Variants in PLAC8L1 observed in about 807,000 individuals in gnomAD.
PLAC8L1 encodes PLAC8-like protein 1.
A neutral mutation model predicts 16.3 loss-of-function variants in PLAC8L1; 13 were observed. That is an observed-to-expected ratio of 0.80 (90% CI 0.52 to 1.27). The LOEUF is 1.27. PLAC8L1 is among the 50% of genes most tolerant of loss of function. The probability of loss-of-function intolerance (pLI) is 0.00; values close to 1 mark genes in which losing one functional copy is unlikely to be tolerated. For missense variants in PLAC8L1, 184 were observed against 220.2 expected, an observed-to-expected ratio of 0.84 and a Z score of 1.04; for synonymous variants, 78 against 79.3, an observed-to-expected ratio of 0.98 and a Z score of 0.09.
In PLAC8L1 at chr5:146,101,888, AAGAAT is replaced by A. The variant is rs1318667647; in HGVS notation, c.119+2300_119+2304del. ...GTAGAGGGATTTCTTAGGGCAGCCTAAGAATAGAATGTCTGCTTCTAACTCAGTAT... is the reference window on the plus strand; with the variant it reads ...GTAGAGGGATTTCTTAGGGCAGCCTAAGAATGTCTGCTTCTAACTCAGTAT... On this transcript the variant is annotated intron_variant, in intron 1 of 3. Transcript: ENST00000311450. Among the ~76,000 whole-genome samples the A allele has an allele frequency of 2.6e-5, 4 of 152,240 alleles. No individual in the cohort carries two copies. In the East Asian group the frequency reaches 7.7e-4, roughly 29 times the overall value.
chr5:146,085,144 A>AT (rs1276573779), intron 3 of PLAC8L1, among the ~76,000 whole-genome samples: 2 of 151,990 alleles, frequency 1.3e-5, no homozygotes, highest in African/African-American at 4.8e-5. Context: ...TGGGCCAGGC[A>AT]TGGTGGCTCA....
chr5:146,090,766 T>C (rs959161344), intron 2 of PLAC8L1, among the ~76,000 whole-genome samples: 1 of 151,774 alleles, frequency 6.6e-6, no homozygotes, highest in Non-Finnish European at 1.5e-5. Flanking sequence ...TTTAAAAATT[T>C]GTCAGGCCGG....
intron 2 of PLAC8L1, among the ~76,000 whole-genome samples, chr5:146,096,017 G>A (rs1411402384): frequency 1.3e-5 from 2 of 152,146 alleles, no homozygotes; most frequent in African/African-American, 4.8e-5. Context: ...CAAACTGGGT[G>A]GCTTAAAACA....
chr5:146,104,075 A>G, intron 1 of PLAC8L1, 118 bp downstream of exon 1: 1 of 1,441,392 alleles, frequency 6.9e-7, no homozygotes, highest in Non-Finnish European at 9.1e-7. Context: ...GAGAAAAGAT[A>G]GCAACCACTT....
At chr5:146,089,863 C>T (rs1027523950) in intron 2 of PLAC8L1, among the ~76,000 whole-genome samples, 5 of 151,618 alleles carry the variant, frequency 3.3e-5, no homozygotes, top group African/African-American at 7.3e-5. Flanking sequence ...CTCAGCCTCT[C>T]GAGTAGCTGG....
In PLAC8L1 at chr5:146,095,558, A is replaced by G. The variant is rs140357961; in HGVS notation, c.256+2598T>C. Among the ~76,000 whole-genome samples the G allele has an allele frequency of 1.7e-3, 266 of 152,338 alleles. 3 individuals carry two copies. The highest frequency in any genetic ancestry group is 6.2e-3 in the African/African-American group (258 of 41,588). ...CTGACTCATCTACTCTTTGCTCTCAACATGCTGAAGGATAATTTTTTTTAA... is the reference window on the plus strand; with the variant it reads ...CTGACTCATCTACTCTTTGCTCTCAGCATGCTGAAGGATAATTTTTTTTAA... On this transcript the variant is annotated intron_variant, in intron 2 of 3. Coordinates refer to ENST00000311450, the MANE Select transcript of PLAC8L1 (RefSeq NM_001029869.3).
At chr5:146,085,147 G>T (rs1763487921) in intron 3 of PLAC8L1, among the ~76,000 whole-genome samples, 1 of 151,916 alleles carries the variant, frequency 6.6e-6, no homozygotes, top group Non-Finnish European at 1.5e-5. Flanking sequence ...GCCAGGCATG[G>T]TGGCTCACAC....
intron 2 of PLAC8L1, among the ~76,000 whole-genome samples, chr5:146,087,284 G>A (rs572166691): frequency 6.6e-6 from 1 of 151,940 alleles, no homozygotes; most frequent in East Asian, 1.9e-4. Context: ...ATAAACATTT[G>A]ATTATTTCAT....
chr5:146,089,662 G>A (rs1274678244), intron 2 of PLAC8L1, among the ~76,000 whole-genome samples: 1 of 151,340 alleles, frequency 6.6e-6, no homozygotes, highest in East Asian at 1.9e-4. Flanking sequence ...GGATTGGTGT[G>A]CTAGACAGTA....
chr5:146,085,263 T>C (rs1383231908), intron 3 of PLAC8L1, among the ~76,000 whole-genome samples, 198 bp downstream of exon 3: 2 of 152,146 alleles, frequency 1.3e-5, no homozygotes, highest in African/African-American at 2.4e-5. Context: ...ACTAAAATAA[T>C]ATGGTATTTT....
At position 146,084,515 on chromosome 5, in the gene PLAC8L1, G is replaced by C; in HGVS notation, c.451C>G (p.Gln151Glu). The change falls in exon 4 of 4, where the codon CAG becomes GAG. Residue 151 changes from glutamine to glutamate, a missense_variant. Coordinates refer to ENST00000311450, the MANE Select transcript of PLAC8L1 (RefSeq NM_001029869.3). The part of the protein sequence containing the change: ...VHCCWAFSIC[Q>E]VARELKMRTS... The stretch of plus-strand genomic sequence containing the variant: ...CTCATCTTGAGTTCCCGGGCCACCT[G>C]GCAGATGGAAAAAGCCCAACAGCAG... 1 of 1,614,170 alleles carries C rather than the reference G, an allele frequency of 6.2e-7. No homozygotes were observed. The highest frequency in any genetic ancestry group is 8.5e-7 in the Non-Finnish European group (1 of 1,180,040).
At position 146,098,139 on chromosome 5, in the gene PLAC8L1, A is replaced by G; in HGVS notation, c.256+17T>C. On this transcript the variant is annotated intron_variant, in intron 2 of 3. Coordinates refer to ENST00000311450, the MANE Select transcript of PLAC8L1 (RefSeq NM_001029869.3). ...GAAAATAGTAAGGAGGAACTTAAAT[A>G]AGGAGGAAAAACTTACAAATTCTCC... is the stretch of plus-strand genomic sequence containing the variant. The G allele has an allele frequency of 1.2e-6, 2 of 1,602,390 alleles. No individual in the cohort carries two copies. Among genetic ancestry groups the G allele is most frequent in the East Asian group, 2.2e-5 (1 of 44,558 alleles).
At chr5:146,103,807 T>C (rs569927827) in intron 1 of PLAC8L1, 11 of 985,448 alleles carry the variant, frequency 1.1e-5, no homozygotes, top group Non-Finnish European at 1.3e-5. Flanking sequence ...TAATCACACT[T>C]GGAGTATTGT....
At chr5:146,103,868 T>G (rs1763863547) in intron 1 of PLAC8L1, 1 of 985,320 alleles carries the variant, frequency 1.0e-6, no homozygotes. Flanking sequence ...CAAACTCAGC[T>G]GAAGCCAAAA....
chr5:146,091,654 T>C (rs1763619566), intron 2 of PLAC8L1, among the ~76,000 whole-genome samples: 1 of 151,814 alleles, frequency 6.6e-6, no homozygotes, highest in Non-Finnish European at 1.5e-5. Flanking sequence ...ATTAAAAAAT[T>C]AGCCAGGCAT....
chr5:146,089,592 A>G (rs1027815564), intron 2 of PLAC8L1, among the ~76,000 whole-genome samples: 13 of 152,146 alleles, frequency 8.5e-5, no homozygotes, highest in Non-Finnish European at 1.9e-4. Flanking sequence ...CTGAACTACT[A>G]TACATATTAC....
At chr5:146,092,204 G>A (rs1190417146) in intron 2 of PLAC8L1, among the ~76,000 whole-genome samples, 1 of 152,178 alleles carries the variant, frequency 6.6e-6, no homozygotes, top group African/African-American at 2.4e-5. Flanking sequence ...TTGCAAAAGA[G>A]GCAGAACTTT....
intron 1 of PLAC8L1, among the ~76,000 whole-genome samples, chr5:146,102,416 A>G (rs1763836439): frequency 6.6e-6 from 1 of 152,206 alleles, no homozygotes; most frequent in Non-Finnish European, 1.5e-5. Context: ...CATGTGTTGT[A>G]ATTGAAATAA....
chr5:146,095,115 C>T (rs1195409795), intron 2 of PLAC8L1, among the ~76,000 whole-genome samples: 2 of 152,184 alleles, frequency 1.3e-5, no homozygotes, highest in African/African-American at 2.4e-5. Flanking sequence ...TGAGTGTACA[C>T]AGTAATATAT....
Sources: gnomAD v4.1 joint callset for allele counts (sites outside exome capture counted in the v4.1 genomes callset) on GRCh38, gnomAD v4.1.1 for gene constraint, MANE v1.5 for transcripts, NCBI Gene and HGNC (gene_info 2026-07-23, HGNC 2026-07-21) for gene names.